Variants in COMMD1 observed in about 807,000 individuals in gnomAD.
The protein encoded by COMMD1 is COMM domain-containing protein 1.
A neutral mutation model predicts 17.2 loss-of-function variants in COMMD1; 10 were observed. The observed-to-expected ratio is 0.58, with a 90% CI of 0.36 to 0.99. The LOEUF is 0.99. Among genes scored for constraint, COMMD1 ranks in the 50% least tolerant of loss-of-function variants. The pLI, the probability that COMMD1 is intolerant of heterozygous loss-of-function variation, is 0.01. For synonymous variants in COMMD1, 97 were observed against 91.6 expected, an observed-to-expected ratio of 1.06 and a Z score of -0.34; for missense variants, 270 against 231.8, an observed-to-expected ratio of 1.17 and a Z score of -1.07.
chr2:62,011,258 A>C (rs1669269875), intron 2 of COMMD1, among the ~76,000 whole-genome samples: 1 of 152,168 alleles, frequency 6.6e-6, no homozygotes, highest in African/African-American at 2.4e-5. Flanking sequence ...AAAGTGTACA[A>C]TTTGGTTAAT....
At chr2:62,047,929 C>G (rs1301848058) in intron 2 of COMMD1, among the ~76,000 whole-genome samples, 5 of 152,058 alleles carry the variant, frequency 3.3e-5, no homozygotes, top group Non-Finnish European at 7.4e-5. Context: ...GGTTTATACC[C>G]TAGGAGCAAT....
intron 1 of COMMD1, among the ~76,000 whole-genome samples, chr2:61,908,597 G>C (rs1178123618): frequency 2.6e-5 from 4 of 151,068 alleles, no homozygotes; most frequent in Admixed American, 2.0e-4. Context: ...GTCTCGCTTT[G>C]TTGCCCAGGC....
At chr2:61,991,887 G>T (rs746631061) in intron 1 of COMMD1, among the ~76,000 whole-genome samples, 15 of 152,104 alleles carry the variant, frequency 9.9e-5, no homozygotes, top group Non-Finnish European at 1.6e-4. Context: ...ATCCAGCCCA[G>T]TGTTTCTTTT....
chr2:61,904,544 G>C (rs1487158930), upstream of COMMD1, among the ~76,000 whole-genome samples: 1 of 152,140 alleles, frequency 6.6e-6, no homozygotes, highest in East Asian at 1.9e-4. Context: ...GTCACAGGTG[G>C]TTCTACATAA....
chr2:62,078,793 C>T (rs934115444), intron 2 of COMMD1, among the ~76,000 whole-genome samples: 4 of 151,030 alleles, frequency 2.6e-5, no homozygotes, highest in East Asian at 1.9e-4. Flanking sequence ...AGGAGAATGG[C>T]GTGAACCCGG....
At chr2:62,059,861 A>C (rs1160852888) in intron 2 of COMMD1, among the ~76,000 whole-genome samples, 1 of 152,172 alleles carries the variant, frequency 6.6e-6, no homozygotes, top group Non-Finnish European at 1.5e-5. Context: ...GTATGTTGAC[A>C]TGGTTGGATT....
chr2:62,006,682 A>G (rs1312461532), intron 2 of COMMD1, among the ~76,000 whole-genome samples: 1 of 152,236 alleles, frequency 6.6e-6, no homozygotes, highest in Non-Finnish European at 1.5e-5. Context: ...AAATCCTGTC[A>G]TATTTGGCCA....
At chr2:62,051,251 A>G (rs749223939) in intron 2 of COMMD1, among the ~76,000 whole-genome samples, 1 of 152,090 alleles carries the variant, frequency 6.6e-6, no homozygotes, top group Admixed American at 6.6e-5. Context: ...TACACTCTGG[A>G]GGGGTTACTA....
upstream of COMMD1, among the ~76,000 whole-genome samples, chr2:61,901,026 A>C (rs1669644911): frequency 6.6e-6 from 1 of 152,038 alleles, no homozygotes; most frequent in African/African-American, 2.4e-5. Context: ...GGCTCACTGC[A>C]ACCTCCACCT....
At chr2:62,080,110 T>C (rs1008466383) in intron 2 of COMMD1, among the ~76,000 whole-genome samples, 1 of 152,122 alleles carries the variant, frequency 6.6e-6, no homozygotes, top group Non-Finnish European at 1.5e-5. Flanking sequence ...GTAAGAATCA[T>C]ATAAACAATA....
chr2:61,977,719 G>A (rs1671842286), intron 1 of COMMD1, among the ~76,000 whole-genome samples: 2 of 151,402 alleles, frequency 1.3e-5, no homozygotes, highest in Admixed American at 1.3e-4. Context: ...CAGTGTGGTG[G>A]CTCATGCCTG....
Position 62,027,473 on chromosome 2 carries a change from A to G in COMMD1, c.462+26491A>G, listed in dbSNP as rs144727002. 6.8e-4 allele frequency among the ~76,000 whole-genome samples: 104 copies of G among 152,328 alleles called. 1 individual carries two copies. The highest frequency in any genetic ancestry group is 2.5e-3 in the African/African-American group (103 of 41,574). On this transcript the variant is annotated intron_variant, in intron 2 of 2. Transcript: ENST00000311832. ...TAATTTTTTTGTCACACTTTCAAGT[A>G]GGTAAAAGTTACTGGCAACACTGGA...
At position 61,998,590 on chromosome 2, in the gene COMMD1, A is replaced by G. The variant is rs564457797; in HGVS notation, c.181-2111A>G. On this transcript the variant is annotated intron_variant, in intron 1 of 2. Transcript: ENST00000311832. ...TTGCTTTCTTGTCATTTGTGTGTGC[A>G]CTGGAGTAGCACTTTTAATTTCTTT... 1.2e-4 allele frequency among the ~76,000 whole-genome samples: 18 copies of G among 152,236 alleles called. No homozygotes were observed. In the South Asian group the frequency reaches 2.9e-3, roughly 25 times the overall value.
At chr2:61,938,364 T>G (rs992299595) in intron 1 of COMMD1, among the ~76,000 whole-genome samples, 1 of 152,084 alleles carries the variant, frequency 6.6e-6, no homozygotes, top group African/African-American at 2.4e-5. Context: ...TGGGCATGTT[T>G]ATAACTCCCT....
At chr2:62,052,767 C>T (rs571273678) in intron 2 of COMMD1, among the ~76,000 whole-genome samples, 6 of 152,204 alleles carry the variant, frequency 3.9e-5, no homozygotes, top group East Asian at 1.9e-4. Flanking sequence ...ATAAAACCCA[C>T]GCTGATCAAA....
chr2:62,061,592 G>T (rs1202616145), intron 2 of COMMD1, among the ~76,000 whole-genome samples: 20 of 126,756 alleles, frequency 1.6e-4, no homozygotes, highest in African/African-American at 5.8e-4. Context: ...ATCTAGCTCT[G>T]TTGCCCAGGC....
At chr2:61,890,261 G>T (rs997126035) in intron 1 of COMMD1, among the ~76,000 whole-genome samples, 1 of 152,120 alleles carries the variant, frequency 6.6e-6, no homozygotes, top group Non-Finnish European at 1.5e-5. Flanking sequence ...CACTCTTGTT[G>T]CCCAGGCTGG....
intron 2 of COMMD1, among the ~76,000 whole-genome samples, chr2:62,108,176 C>T (rs1672367987): frequency 6.6e-6 from 1 of 152,170 alleles, no homozygotes; most frequent in African/African-American, 2.4e-5. Context: ...ATATTGGCAT[C>T]ACAATGCCTA....
chr2:62,052,975 G>A (rs1311204076), intron 2 of COMMD1, among the ~76,000 whole-genome samples: 1 of 152,136 alleles, frequency 6.6e-6, no homozygotes, highest in Non-Finnish European at 1.5e-5. Flanking sequence ...AGGCTGAAGT[G>A]GGAAGATCAC....
Sources: allele counts gnomAD v4.1 joint callset (sites outside exome capture counted in the v4.1 genomes callset), GRCh38; gene constraint gnomAD v4.1.1; transcripts MANE v1.5; gene names NCBI Gene and HGNC (gene_info 2026-07-23, HGNC 2026-07-21).